RBMS3: variants seen among roughly 807,000 people sequenced by gnomAD.
RBMS3 encodes RNA binding motif single stranded interacting protein 3.
RBMS3 carries 27 observed loss-of-function variants against 66.8 expected under a neutral mutation model. That is an observed-to-expected ratio of 0.40 (90% CI 0.30 to 0.56). The LOEUF (loss-of-function observed/expected upper bound fraction) is 0.56, where lower values mean the gene tolerates loss of function less well. Among genes scored for constraint, RBMS3 ranks in the 20% least tolerant of loss-of-function variants. RBMS3 has a pLI of 0.40. For missense variants in RBMS3, 513 were observed against 549.5 expected (o/e 0.93, Z 0.66); for synonymous variants, 188 against 183.0 (o/e 1.03, Z -0.22).
At chr3:29,528,264 C>T (rs1372807256) in intron 3 of RBMS3, among the ~76,000 whole-genome samples, 1 of 152,032 alleles carries the variant, frequency 6.6e-6, no homozygotes, top group Non-Finnish European at 1.5e-5. Context: ...AGGCGCCAGC[C>T]ACCACACCCG....
chr3:29,713,117 A>T (rs1382503934), intron 4 of RBMS3, among the ~76,000 whole-genome samples: 1 of 151,820 alleles, frequency 6.6e-6, no homozygotes, highest in Non-Finnish European at 1.5e-5. Context: ...CTATTATATT[A>T]TATTATATAT....
At chr3:29,832,557 A>G (rs1242336610) in intron 6 of RBMS3, among the ~76,000 whole-genome samples, 1 of 152,172 alleles carries the variant, frequency 6.6e-6, no homozygotes, top group Admixed American at 6.5e-5. Context: ...CTCAGTGACA[A>G]GAGAGGCTCC....
chr3:29,602,009 A>G (rs2048161456), intron 4 of RBMS3, among the ~76,000 whole-genome samples: 1 of 152,048 alleles, frequency 6.6e-6, no homozygotes, highest in African/African-American at 2.4e-5. Context: ...GACAATTGTC[A>G]TTCATTTGGA....
intron 4 of RBMS3, among the ~76,000 whole-genome samples, chr3:29,702,588 C>A (rs937179595): frequency 1.3e-5 from 2 of 152,180 alleles, no homozygotes; most frequent in African/African-American, 4.8e-5. Context: ...TAACTCACCA[C>A]AAAGGTCTGC....
chr3:29,317,551 G>C (rs2034758196), intron 1 of RBMS3, among the ~76,000 whole-genome samples: 1 of 151,106 alleles, frequency 6.6e-6, no homozygotes, highest in Admixed American at 6.6e-5. Flanking sequence ...GGATGGAAAA[G>C]ACAAGAATTA....
chr3:29,943,121 A>C (rs2061430654), intron 11 of RBMS3, among the ~76,000 whole-genome samples: 1 of 151,796 alleles, frequency 6.6e-6, no homozygotes, highest in Non-Finnish European at 1.5e-5. Context: ...ATTAAAATTG[A>C]CCTTTTGTGG....
intron 1 of RBMS3, among the ~76,000 whole-genome samples, chr3:29,312,353 G>A (rs1417440383): frequency 1.3e-5 from 2 of 151,710 alleles, no homozygotes; most frequent in African/African-American, 4.8e-5. Context: ...TACGTGCTCT[G>A]TTTTTAAAAA....
chr3:29,643,747 GAA>G (rs2049813256), intron 4 of RBMS3, among the ~76,000 whole-genome samples: 1 of 152,094 alleles, frequency 6.6e-6, no homozygotes, highest in African/African-American at 2.4e-5. Flanking sequence ...AAAGGCCGGA[GAA>G]AAGAGACAGT....
chr3:29,322,055 C>T (rs1320387436), intron 1 of RBMS3, among the ~76,000 whole-genome samples: 1 of 152,026 alleles, frequency 6.6e-6, no homozygotes, highest in African/African-American at 2.4e-5. Flanking sequence ...ATGGTTTTGC[C>T]AGGCACTGAG....
At chr3:29,438,660 T>A (rs2041491833) in intron 2 of RBMS3, among the ~76,000 whole-genome samples, 1 of 152,204 alleles carries the variant, frequency 6.6e-6, no homozygotes, top group Admixed American at 6.5e-5. Context: ...CATTATACTG[T>A]GCGTAGCGTA....
At position 30,005,362 on chromosome 3, in the gene RBMS3, T is replaced by C. The variant is rs1699779608; in HGVS notation, c.*1500T>C. 6.6e-6 allele frequency: 1 copy of C among 151,818 alleles called. No homozygotes were observed. The highest frequency in any genetic ancestry group is 2.1e-4 in the South Asian group (1 of 4,828). 9.4% of individuals were successfully genotyped at this position (151,818 alleles called of 1,614,324 possible). ...CTTTAAATTCTGTGAGCTTTTCTGGTTTCTCACTAGCTGTCTTGAATAGTG... is the reference window on the plus strand; with the variant it reads ...CTTTAAATTCTGTGAGCTTTTCTGGCTTCTCACTAGCTGTCTTGAATAGTG... On this transcript the variant is annotated 3_prime_UTR_variant, in exon 15 of 15. Transcript: ENST00000383767.
chr3:29,598,608 T>C (rs2048042245), intron 4 of RBMS3, among the ~76,000 whole-genome samples: 1 of 152,046 alleles, frequency 6.6e-6, no homozygotes, highest in Admixed American at 6.6e-5. Context: ...ATATCAACCA[T>C]ATCATATTGT....
chr3:29,736,818 T>A (rs549152331), intron 4 of RBMS3, among the ~76,000 whole-genome samples: 1 of 152,228 alleles, frequency 6.6e-6, no homozygotes, highest in Non-Finnish European at 1.5e-5. Context: ...AACACTTCCA[T>A]TAATTATGAA....
chr3:29,968,058 A>G (rs1341016523), intron 12 of RBMS3, among the ~76,000 whole-genome samples: 1 of 152,092 alleles, frequency 6.6e-6, no homozygotes, highest in Admixed American at 6.5e-5. Flanking sequence ...GTGTGACCAT[A>G]GAATGTCAGT....
intron 2 of RBMS3, among the ~76,000 whole-genome samples, chr3:29,477,908 G>A (rs1354147725): frequency 7.9e-5 from 12 of 152,086 alleles, no homozygotes; most frequent in Non-Finnish European, 1.5e-4. Context: ...TGGGACCACA[G>A]GAATGCACCA....
At chr3:29,646,473 T>G (rs564755520) in intron 4 of RBMS3, among the ~76,000 whole-genome samples, 21 of 152,246 alleles carry the variant, frequency 1.4e-4, no homozygotes, top group Non-Finnish European at 2.2e-4. Context: ...AATGTTGGTT[T>G]TATTAATTCT....
At chr3:29,904,108 T>C (rs1453184374) in intron 10 of RBMS3, among the ~76,000 whole-genome samples, 1 of 151,964 alleles carries the variant, frequency 6.6e-6, no homozygotes, top group African/African-American at 2.4e-5. Flanking sequence ...TAGAAAATAG[T>C]CCTGGCTTTG....
chr3:29,862,718 C>T (rs1406575294), intron 6 of RBMS3, among the ~76,000 whole-genome samples: 1 of 151,884 alleles, frequency 6.6e-6, no homozygotes, highest in Non-Finnish European at 1.5e-5. Flanking sequence ...GCGGCGTGTG[C>T]CTATAGTCCC....
chr3:29,674,845 T>C (rs1298918025), intron 4 of RBMS3, among the ~76,000 whole-genome samples: 3 of 151,618 alleles, frequency 2.0e-5, no homozygotes, highest in African/African-American at 7.3e-5. Flanking sequence ...AATTTATAGA[T>C]TAAATGCCAT....
Sources: gnomAD v4.1 joint callset for allele counts (sites outside exome capture counted in the v4.1 genomes callset) on GRCh38, gnomAD v4.1.1 for gene constraint, MANE v1.5 for transcripts, NCBI Gene and HGNC (gene_info 2026-07-23, HGNC 2026-07-21) for gene names.